The following GRM8 variants were observed in gnomAD, a reference collection of about 807,000 sequenced individuals.
GRM8 encodes the protein glutamate metabotropic receptor 8.
GRM8 carries 47 observed loss-of-function variants against 87.2 expected under a neutral mutation model. The ratio of observed to expected loss-of-function variants is 0.54; its 90% CI spans 0.43 to 0.69. GRM8 has a LOEUF of 0.69. GRM8 is among the 30% of genes least tolerant of loss of function. GRM8 has a pLI of 0.00. For missense variants in GRM8, 1,019 were observed against 1,139.2 expected, an observed-to-expected ratio of 0.89 and a Z score of 1.52; for synonymous variants, 396 against 404.5, an observed-to-expected ratio of 0.98 and a Z score of 0.25.
At chr7:127,114,131 C>CATAGT (rs2133144696) in intron 2 of GRM8, among the ~76,000 whole-genome samples, 1 of 152,282 alleles carries the variant, frequency 6.6e-6, no homozygotes, top group African/African-American at 2.4e-5. Flanking sequence ...ATAATCCTGT[C>CATAGT]CTCATAGTCG....
chr7:126,718,718 C>T (rs948710622), intron 7 of GRM8, among the ~76,000 whole-genome samples: 1 of 152,190 alleles, frequency 6.6e-6, no homozygotes, highest in Non-Finnish European at 1.5e-5. Flanking sequence ...TCTTCCATGT[C>T]CAGAACGGCC....
At chr7:126,509,842 T>C (rs978345771) in intron 9 of GRM8, among the ~76,000 whole-genome samples, 7 of 151,878 alleles carry the variant, frequency 4.6e-5, no homozygotes, top group Admixed American at 6.6e-5. Context: ...ACATAGGACA[T>C]AGGTAATAAA....
At chr7:126,986,882 C>G (rs936129239) in intron 3 of GRM8, among the ~76,000 whole-genome samples, 2 of 152,140 alleles carry the variant, frequency 1.3e-5, no homozygotes, top group African/African-American at 4.8e-5. Flanking sequence ...ATAGCACTTG[C>G]TACATCAGGC....
chr7:126,900,643 G>A (rs1801984228), intron 6 of GRM8, among the ~76,000 whole-genome samples: 1 of 137,998 alleles, frequency 7.2e-6, no homozygotes, highest in South Asian at 2.5e-4. Flanking sequence ...CCAAGTAGCT[G>A]GGACTACAGG....
intron 3 of GRM8, among the ~76,000 whole-genome samples, chr7:126,972,031 T>A (rs1810482541): frequency 6.6e-6 from 1 of 152,180 alleles, no homozygotes; most frequent in Non-Finnish European, 1.5e-5. Context: ...GGTCTGCAGG[T>A]CACTGTAGCC....
intron 7 of GRM8, among the ~76,000 whole-genome samples, chr7:126,701,232 G>A (rs2151395044): frequency 6.6e-6 from 1 of 152,224 alleles, no homozygotes; most frequent in East Asian, 1.9e-4. Context: ...AAGGTTGGGG[G>A]TGGGCTGCCT....
intron 3 of GRM8, among the ~76,000 whole-genome samples, chr7:127,007,433 T>C (rs3824009): frequency 0.13 from 19,105 of 151,950 alleles, 1,511 homozygotes; most frequent in Middle Eastern, 0.19. Flanking sequence ...ATGTTACCCC[T>C]TAGGGAAAAA....
At chr7:127,072,244 A>C (rs115018498) in intron 3 of GRM8, among the ~76,000 whole-genome samples, 104 of 152,246 alleles carry the variant, frequency 6.8e-4, no homozygotes, top group African/African-American at 2.4e-3. Flanking sequence ...TCATACTTGC[A>C]TTTGAGGGTG....
chr7:127,035,633 T>G (rs921849000), intron 3 of GRM8, among the ~76,000 whole-genome samples: 3 of 152,206 alleles, frequency 2.0e-5, no homozygotes, highest in Non-Finnish European at 4.4e-5. Flanking sequence ...AGCACAGTGA[T>G]GAGCATCAGA....
At chr7:126,595,066 A>C (rs558586734) in intron 8 of GRM8, among the ~76,000 whole-genome samples, 1 of 152,320 alleles carries the variant, frequency 6.6e-6, no homozygotes, top group Non-Finnish European at 1.5e-5. Context: ...GAAATTAAAA[A>C]AAAATATGCT....
chr7:126,677,652 C>T (rs1807124461), intron 7 of GRM8, among the ~76,000 whole-genome samples: 1 of 152,008 alleles, frequency 6.6e-6, no homozygotes, highest in Admixed American at 6.6e-5. Context: ...GCTATGGGTA[C>T]ACAAAGGCAT....
chr7:126,446,278 A>C lies in GRM8; in HGVS notation c.2525T>G (p.Ile842Ser), dbSNP rs1313178876. The change falls in exon 10 of 11, where the codon ATT becomes AGT. Residue 842 changes from isoleucine to serine, a missense_variant. Transcript: ENST00000339582. ...TTGAACATTCTGTTCTGGATGAAAA[A>C]TTATAATATAAACCTTGGGCATATA... ...MLYMPKVYII[I>S]FHPEQNVQKR... The C allele has an allele frequency of 6.2e-7, 1 of 1,612,396 alleles. No individual in the cohort carries two copies. The highest frequency in any genetic ancestry group is 2.2e-5 in the East Asian group (1 of 44,704).
intron 3 of GRM8, among the ~76,000 whole-genome samples, chr7:127,050,106 A>G (rs1819321890): frequency 6.6e-6 from 1 of 152,222 alleles, no homozygotes; most frequent in South Asian, 2.1e-4. Context: ...TTTAAAGGTC[A>G]GTCTGGCCAC....
At chr7:127,178,232 G>C (rs1794229226) in intron 2 of GRM8, among the ~76,000 whole-genome samples, 1 of 152,100 alleles carries the variant, frequency 6.6e-6, no homozygotes, top group African/African-American at 2.4e-5. Context: ...CAATATAATT[G>C]AGCAAGTAGA....
chr7:127,051,344 CA>C (rs11311935), intron 3 of GRM8, among the ~76,000 whole-genome samples: 118,134 of 150,934 alleles, frequency 0.78, 47,168 homozygotes, highest in African/African-American at 0.95. Flanking sequence ...CCCTTCGTGG[CA>C]AAAAAAAAAC....
intron 2 of GRM8, among the ~76,000 whole-genome samples, chr7:127,132,676 C>G (rs920801910): frequency 6.6e-6 from 1 of 152,000 alleles, no homozygotes; most frequent in Non-Finnish European, 1.5e-5. Context: ...ATTTGAAGGA[C>G]AGGAGGGAGC....
chr7:127,096,264 A>G (rs989569725), intron 3 of GRM8, among the ~76,000 whole-genome samples: 1 of 151,508 alleles, frequency 6.6e-6, no homozygotes, highest in Non-Finnish European at 1.5e-5. Flanking sequence ...GGCTCCTTAC[A>G]AGATACAAAT....
chr7:126,884,924 T>G (rs1028531535), intron 6 of GRM8, among the ~76,000 whole-genome samples: 6 of 152,164 alleles, frequency 3.9e-5, no homozygotes, highest in Non-Finnish European at 7.4e-5. Context: ...TTAAGACAAG[T>G]TAGGGGCCTT....
chr7:126,521,336 T>C (rs1812951794), intron 9 of GRM8, among the ~76,000 whole-genome samples: 1 of 151,966 alleles, frequency 6.6e-6, no homozygotes, highest in South Asian at 2.1e-4. Flanking sequence ...ACATAGAGAG[T>C]CTAAAATTCC....
Sources: gnomAD v4.1 joint callset for allele counts (sites outside exome capture counted in the v4.1 genomes callset) on GRCh38, gnomAD v4.1.1 for gene constraint, MANE v1.5 for transcripts, NCBI Gene and HGNC (gene_info 2026-07-23, HGNC 2026-07-21) for gene names.